Variants in KCNMB2 observed in about 807,000 individuals in gnomAD.
KCNMB2 encodes the protein calcium-activated potassium channel subunit beta-2.
KCNMB2 carries 9 observed loss-of-function variants against 24.5 expected under a neutral mutation model. The observed-to-expected ratio is 0.37, with a 90% CI of 0.22 to 0.64. The LOEUF (loss-of-function observed/expected upper bound fraction) is 0.64. KCNMB2 is among the 30% of genes least tolerant of loss of function. The pLI is 0.63. For missense variants in KCNMB2, 226 were observed against 284.3 expected, an observed-to-expected ratio of 0.79 and a Z score of 1.47; for synonymous variants, 109 against 104.4, an observed-to-expected ratio of 1.04 and a Z score of -0.27.
intron 1 of KCNMB2, among the ~76,000 whole-genome samples, chr3:178,581,884 T>A (rs1387936146): frequency 2.6e-5 from 4 of 152,128 alleles, no homozygotes; most frequent in Non-Finnish European, 5.9e-5. Flanking sequence ...CTGGAGAGGA[T>A]GTGGAGAAAT....
At chr3:178,768,559 G>C (rs1244860192) in intron 1 of KCNMB2, among the ~76,000 whole-genome samples, 1 of 152,108 alleles carries the variant, frequency 6.6e-6, no homozygotes, top group East Asian at 1.9e-4. Flanking sequence ...ACTATAGAAA[G>C]TAAAACCTGA....
At chr3:178,805,251 AAGG>A (rs1419821752) in intron 1 of KCNMB2, among the ~76,000 whole-genome samples, 5 of 152,216 alleles carry the variant, frequency 3.3e-5, no homozygotes, top group Non-Finnish European at 7.3e-5. Flanking sequence ...AGGGTTATAG[AAGG>A]AGATCAACTC....
intron 1 of KCNMB2, among the ~76,000 whole-genome samples, chr3:178,550,413 G>A (rs1310426853): frequency 7.3e-6 from 1 of 137,036 alleles, no homozygotes; most frequent in Non-Finnish European, 1.5e-5. Context: ...AGCCAAGATA[G>A]CGCCACTGCA....
At position 178,646,023 on chromosome 3, in the gene KCNMB2, A is replaced by C. The variant is rs576652057; in HGVS notation, c.-68+109312A>C. On this transcript the variant is annotated intron_variant, in intron 1 of 4. Transcript: ENST00000452583. The stretch of plus-strand genomic sequence containing the variant: ...GAAGTAAGGCAGACCCTCGCGTCTC[A>C]CATCCATCTGCATACAGTTACCTGC... Among the ~76,000 whole-genome samples, 9 of 152,274 alleles carry C rather than the reference A, an allele frequency of 5.9e-5. No individual in the cohort carries two copies. In the East Asian group the frequency reaches 1.5e-3, roughly 26 times the overall value.
intron 1 of KCNMB2, among the ~76,000 whole-genome samples, chr3:178,678,557 G>T (rs1721150527): frequency 1.3e-5 from 2 of 152,190 alleles, no homozygotes; most frequent in African/African-American, 4.8e-5. Flanking sequence ...AACTGGAGTT[G>T]CCTTGGAACA....
At position 178,584,170 on chromosome 3, in the gene KCNMB2, T is replaced by A. The variant is rs189643801; in HGVS notation, c.-68+47459T>A. 2.6e-5 allele frequency among the ~76,000 whole-genome samples: 4 copies of A among 152,340 alleles called. No homozygotes were observed. The East Asian group carries it at 7.7e-4, about 29-fold the overall frequency. On this transcript the variant is annotated intron_variant, in intron 1 of 4. Transcript: ENST00000452583. ...GATGATGAAACGGATAGCTCATGCA[T>A]CTGGGTATGGCTTTTATATCCCAGC...
rs1711749273 is a variant in KCNMB2, at chr3:178,760,165, TATATATATCCA to T, written c.-67-47176_-67-47166del. Among the ~76,000 whole-genome samples, 12 of 43,948 alleles carry T rather than the reference TATATATATCCA, an allele frequency of 2.7e-4. 1 individual carries two copies. Among genetic ancestry groups the T allele is most frequent in the Non-Finnish European group, 3.7e-4 (10 of 26,866 alleles). The allele number at this position is 43,948 out of a possible 152,430, so 28.8% of individuals were successfully genotyped here. On this transcript the variant is annotated intron_variant, in intron 1 of 4. Coordinates refer to ENST00000452583, the MANE Select transcript of KCNMB2 (RefSeq NM_181361.3). The stretch of plus-strand genomic sequence containing the variant: ...ATCCAAGAGGATATATCTATATATA[TATATATATCCA>T]AGAGGATATATCTATATATATATAT...
At chr3:178,536,964 T>A (rs1010754571) in intron 1 of KCNMB2, among the ~76,000 whole-genome samples, 2 of 152,096 alleles carry the variant, frequency 1.3e-5, no homozygotes, top group East Asian at 3.9e-4. Flanking sequence ...GCTTTTCCTG[T>A]GGAGTAGAAT....
intron 1 of KCNMB2, among the ~76,000 whole-genome samples, chr3:178,627,433 G>T (rs779791585): frequency 1.2e-4 from 18 of 152,298 alleles, no homozygotes; most frequent in Non-Finnish European, 2.2e-4. Context: ...CTCATTATAA[G>T]ACTGATGCTG....
intron 1 of KCNMB2, among the ~76,000 whole-genome samples, chr3:178,790,760 G>C (rs1273469530): frequency 1.3e-5 from 2 of 152,228 alleles, no homozygotes; most frequent in Non-Finnish European, 2.9e-5. Flanking sequence ...TCGGCACAAA[G>C]AGAGACACTT....
intron 1 of KCNMB2, among the ~76,000 whole-genome samples, chr3:178,550,114 A>AC (rs1428179049): frequency 6.6e-6 from 1 of 152,046 alleles, no homozygotes; most frequent in Non-Finnish European, 1.5e-5. Flanking sequence ...AGACTTTGCA[A>AC]CCCCAAGGAG....
chr3:178,829,537 A>G (rs1476683806), intron 4 of KCNMB2, among the ~76,000 whole-genome samples: 1 of 152,190 alleles, frequency 6.6e-6, no homozygotes, highest in Non-Finnish European at 1.5e-5. Context: ...TTTCATTTGT[A>G]GTAGCCACAA....
intron 1 of KCNMB2, among the ~76,000 whole-genome samples, chr3:178,683,922 G>C (rs562935617): frequency 3.9e-5 from 6 of 152,240 alleles, no homozygotes; most frequent in Admixed American, 3.3e-4. Flanking sequence ...ACAAAAAATA[G>C]AACTACCCCA....
chr3:178,831,772 G>C lies in KCNMB2; in HGVS notation c.423+3399G>C, dbSNP rs138913556. ...TGAGTGTGGAGGGAGGAAGGAGGGT[G>C]AGAATTTAAAACTACATAGGGTACT... is the stretch of plus-strand genomic sequence containing the variant. On this transcript the variant is annotated intron_variant, in intron 4 of 4. Coordinates refer to ENST00000452583, the MANE Select transcript of KCNMB2 (RefSeq NM_181361.3). 1.2e-4 allele frequency among the ~76,000 whole-genome samples: 18 copies of C among 152,192 alleles called. No individual in the cohort carries two copies. In the East Asian group the frequency reaches 3.3e-3, roughly 28 times the overall value.
At chr3:178,584,570 T>C (rs1439571797) in intron 1 of KCNMB2, among the ~76,000 whole-genome samples, 1 of 152,242 alleles carries the variant, frequency 6.6e-6, no homozygotes, top group African/African-American at 2.4e-5. Context: ...TCATTATTGT[T>C]GTTATTATGT....
At chr3:178,814,002 T>A (rs1714304864) in intron 2 of KCNMB2, among the ~76,000 whole-genome samples, 1 of 152,082 alleles carries the variant, frequency 6.6e-6, no homozygotes, top group Admixed American at 6.5e-5. Flanking sequence ...CTGCTGTTGT[T>A]TTTCTAATCG....
chr3:178,736,698 C>T (rs1431346853), intron 1 of KCNMB2, among the ~76,000 whole-genome samples: 1 of 152,146 alleles, frequency 6.6e-6, no homozygotes, highest in African/African-American at 2.4e-5. Flanking sequence ...GTGCCCACCA[C>T]ATAGAGTTAT....
intron 1 of KCNMB2, among the ~76,000 whole-genome samples, chr3:178,583,613 T>C (rs759843163): frequency 4.6e-5 from 7 of 152,310 alleles, no homozygotes; most frequent in Non-Finnish European, 8.8e-5. Flanking sequence ...AAAAGCAGAA[T>C]AAAAATTTCC....
intron 1 of KCNMB2, among the ~76,000 whole-genome samples, chr3:178,743,346 C>A (rs1723556213): frequency 6.6e-6 from 1 of 152,178 alleles, no homozygotes; most frequent in South Asian, 2.1e-4. Flanking sequence ...CTATCATGGC[C>A]ATTGCAGATG....
Sources: gnomAD v4.1 joint callset for allele counts (sites outside exome capture counted in the v4.1 genomes callset) on GRCh38, gnomAD v4.1.1 for gene constraint, MANE v1.5 for transcripts, NCBI Gene and HGNC (gene_info 2026-07-23, HGNC 2026-07-21) for gene names.